SH3BP5: variants seen among roughly 807,000 people sequenced by gnomAD.
The protein encoded by SH3BP5 is SH3 domain-binding protein 5.
Under a neutral mutation model 43.3 loss-of-function variants are expected in SH3BP5, and 22 were observed. The observed-to-expected ratio is 0.51, with a 90% confidence interval of 0.36 to 0.73. The LOEUF (loss-of-function observed/expected upper bound fraction) is 0.73. Among genes scored for constraint, SH3BP5 ranks in the 30% least tolerant of loss-of-function variants. SH3BP5 has a pLI of 0.00. For synonymous variants in SH3BP5, 255 were observed against 225.8 expected, an observed-to-expected ratio of 1.13 and a Z score of -1.16; for missense variants, 529 against 586.9, an observed-to-expected ratio of 0.90 and a Z score of 1.02.
chr3:15,292,713 T>G (rs1264070466), intron 3 of SH3BP5, among the ~76,000 whole-genome samples: 1 of 152,098 alleles, frequency 6.6e-6, no homozygotes, highest in Admixed American at 6.5e-5. Context: ...CTGGGCGTGG[T>G]GGCGCATGCC....
At chr3:15,259,682 G>A (rs1254278016) in intron 6 of SH3BP5, 79 bp downstream of exon 6, 3 of 1,318,312 alleles carry the variant, frequency 2.3e-6, no homozygotes. Flanking sequence ...TGGCCCATGT[G>A]ATACTCTGCT....
intron 3 of SH3BP5, among the ~76,000 whole-genome samples, chr3:15,301,633 A>G (rs1340879143): frequency 6.6e-6 from 1 of 152,106 alleles, no homozygotes; most frequent in Non-Finnish European, 1.5e-5. Flanking sequence ...AAAGGGATAG[A>G]CATTTGAGCA....
intron 4 of SH3BP5, among the ~76,000 whole-genome samples, chr3:15,265,559 C>CACACACACACACACACAA (rs1285577992): frequency 1.4e-5 from 2 of 142,932 alleles, no homozygotes; most frequent in South Asian, 4.6e-4. Flanking sequence ...CACACACACA[C>CACACACACACACACACAA]AACCCTCCAG....
intron 3 of SH3BP5, among the ~76,000 whole-genome samples, chr3:15,272,557 G>GGAGATTCGATGATACCTCA (rs1559432604): frequency 2.0e-5 from 2 of 101,932 alleles, no homozygotes; most frequent in East Asian, 2.7e-4. Flanking sequence ...AGTGCCTGTA[G>GGAGATTCGATGATACCTCA]GATAAAGACA....
rs150942971 is a variant in SH3BP5 at position 15,290,664 on chromosome 3, G to A, written c.330+13439C>T. Among the ~76,000 whole-genome samples, 200 of 151,770 alleles carry A rather than the reference G, an allele frequency of 1.3e-3. 1 individual carries two copies. The highest frequency in any genetic ancestry group is 4.5e-3 in the African/African-American group (188 of 41,370). Reference sequence around the variant, plus strand: ...CAGTGAACTGAGATCGTGCCACTGCGCTCCAGCCTGGGTGACAGAGCAAGA... The same window carrying A: ...CAGTGAACTGAGATCGTGCCACTGCACTCCAGCCTGGGTGACAGAGCAAGA... On this transcript the variant is annotated intron_variant, in intron 3 of 8. Coordinates refer to ENST00000383791, the MANE Select transcript of SH3BP5 (RefSeq NM_004844.5).
chr3:15,259,737 G>A lies in SH3BP5; in HGVS notation c.669+24C>T, dbSNP rs772083411. 4.3e-6 allele frequency: 7 copies of A among 1,612,662 alleles called. No individual in the cohort carries two copies. The African/African-American group carries it at 9.3e-5, about 22-fold the overall frequency. On this transcript the variant is annotated intron_variant, in intron 6 of 8. Transcript: ENST00000383791. ...TTGAGTGCAGAAAAATCTCATCAGT[G>A]ACGAAGCCCAAAGCTACACATACCT...
At chr3:15,276,019 C>CAAAAAAAAA (rs35756562) in intron 3 of SH3BP5, 1 of 66,180 alleles carries the variant, frequency 1.5e-5, no homozygotes, top group Non-Finnish European at 2.5e-5. Flanking sequence ...GACTCTGTCT[C>CAAAAAAAAA]AAAAAAAAAA....
At chr3:15,258,755 G>T in intron 7 of SH3BP5, 76 bp downstream of exon 7, 1 of 1,348,048 alleles carries the variant, frequency 7.4e-7, no homozygotes, top group Non-Finnish European at 1.0e-6. Flanking sequence ...CTGATGGCCA[G>T]AGAAAGTGAG....
At chr3:15,316,854 A>G (rs939458428) in intron 2 of SH3BP5, among the ~76,000 whole-genome samples, 19 of 152,256 alleles carry the variant, frequency 1.2e-4, no homozygotes, top group African/African-American at 4.3e-4. Context: ...CTGAAGTTAC[A>G]TAACAACCCT....
chr3:15,327,793 A>G (rs546290181), intron 2 of SH3BP5, among the ~76,000 whole-genome samples: 1 of 152,216 alleles, frequency 6.6e-6, no homozygotes, highest in African/African-American at 2.4e-5. Flanking sequence ...AACACCTATT[A>G]AACCTATGCC....
chr3:15,302,724 A>T (rs1470426723), intron 3 of SH3BP5, among the ~76,000 whole-genome samples: 1 of 152,050 alleles, frequency 6.6e-6, no homozygotes, highest in African/African-American at 2.4e-5. Context: ...TCCTACTGAT[A>T]TCTCCCCCAC....
chr3:15,296,838 C>A lies in SH3BP5; in HGVS notation c.330+7265G>T, dbSNP rs1575322608. Among the ~76,000 whole-genome samples the A allele has an allele frequency of 5.5e-5, 8 of 145,630 alleles. No homozygotes were observed. In the South Asian group the frequency reaches 1.8e-3, roughly 32 times the overall value. On this transcript the variant is annotated intron_variant, in intron 3 of 8. Transcript: ENST00000383791. ...CCTCCTAAGTAGCTAGGACCATAAG[C>A]AAGCACCACCATGTCTGGCTTCTTA...
upstream of SH3BP5, among the ~76,000 whole-genome samples, chr3:15,334,641 C>T (rs1160592280): frequency 1.3e-5 from 2 of 151,934 alleles, no homozygotes; most frequent in African/African-American, 4.8e-5. Flanking sequence ...GGTAAGAAAT[C>T]TAGAGCTGAC....
At chr3:15,337,084 G>GTTTTTTTTTTTTTTTTTT (rs374056927), upstream of SH3BP5, among the ~76,000 whole-genome samples, 3 of 100,114 alleles carry the variant, frequency 3.0e-5, no homozygotes, top group African/African-American at 8.0e-5. Context: ...TTTTAGTTTA[G>GTTTTTTTTTTTTTTTTTT]TTTTTTTTTT....
intron 3 of SH3BP5, chr3:15,273,319 G>C (rs1696869651): frequency 3.0e-6 from 3 of 985,358 alleles, no homozygotes; most frequent in South Asian, 4.7e-5. Flanking sequence ...ACGGCCTTCT[G>C]AAAGGTGGCT....
At chr3:15,332,958 A>T, upstream of SH3BP5, 1 of 485,294 alleles carries the variant, frequency 2.1e-6, no homozygotes, top group Non-Finnish European at 2.7e-6. Context: ...GAAACCCTAT[A>T]CCCAAAGCAC....
chr3:15,260,870 T>A (rs967378133), intron 5 of SH3BP5, among the ~76,000 whole-genome samples: 1 of 152,194 alleles, frequency 6.6e-6, no homozygotes. Context: ...TGTACTCTTC[T>A]CGGAGTCTGA....
chr3:15,279,087 T>C (rs901144033), intron 3 of SH3BP5, among the ~76,000 whole-genome samples: 3 of 152,048 alleles, frequency 2.0e-5, no homozygotes, highest in African/African-American at 7.2e-5. Flanking sequence ...GTAGAATCAT[T>C]GGAACCTGGG....
chr3:15,309,758 A>G (rs1354947989), intron 2 of SH3BP5, among the ~76,000 whole-genome samples: 7 of 152,186 alleles, frequency 4.6e-5, no homozygotes, highest in Non-Finnish European at 7.4e-5. Flanking sequence ...TATTAAACCC[A>G]GAAGACTTGA....
Sources: allele counts gnomAD v4.1 joint callset (sites outside exome capture counted in the v4.1 genomes callset), GRCh38; gene constraint gnomAD v4.1.1; transcripts MANE v1.5; gene names NCBI Gene and HGNC (gene_info 2026-07-23, HGNC 2026-07-21).